Variants in PPP2R2B observed in about 807,000 individuals in gnomAD.
PPP2R2B encodes protein phosphatase 2 regulatory subunit Bbeta.
In PPP2R2B, 5 loss-of-function variants were observed where a neutral mutation model predicts 46.0. The observed-to-expected ratio is 0.11, with a 90% CI of 0.06 to 0.23. The LOEUF is 0.23. Ranked by LOEUF, PPP2R2B falls within the 10% of genes least tolerant of loss-of-function variation. The pLI, the probability that PPP2R2B is intolerant of heterozygous loss-of-function variation, is 1.00. For missense variants in PPP2R2B, 367 were observed against 575.0 expected, an observed-to-expected ratio of 0.64 and a Z score of 3.70; for synonymous variants, 215 against 206.7, an observed-to-expected ratio of 1.04 and a Z score of -0.34.
intron 1 of PPP2R2B, among the ~76,000 whole-genome samples, chr5:147,003,810 G>A (rs901002393): frequency 1.3e-5 from 2 of 152,118 alleles, no homozygotes; most frequent in African/African-American, 4.8e-5. Flanking sequence ...TCAGGGAAAG[G>A]AAGAAAATCC....
chr5:146,657,368 A>T (rs1474778605), intron 5 of PPP2R2B, among the ~76,000 whole-genome samples: 3 of 152,226 alleles, frequency 2.0e-5, no homozygotes, highest in Non-Finnish European at 2.9e-5. Flanking sequence ...AGAACAGAAA[A>T]GATGAAGTCA....
intron 2 of PPP2R2B, among the ~76,000 whole-genome samples, chr5:146,830,731 C>T (rs1027638423): frequency 2.0e-5 from 3 of 152,148 alleles, no homozygotes; most frequent in African/African-American, 7.2e-5. Context: ...CTTGGCCTCC[C>T]AAAGTGCTAG....
At chr5:147,004,630 G>A (rs1012243807) in intron 1 of PPP2R2B, among the ~76,000 whole-genome samples, 1 of 152,114 alleles carries the variant, frequency 6.6e-6, no homozygotes, top group African/African-American at 2.4e-5. Context: ...GGATATATTA[G>A]CCAAAGCTGG....
At position 146,597,618 on chromosome 5, in the gene PPP2R2B, G is replaced by GAAAC. The variant is rs948642208; in HGVS notation, c.960+2669_960+2672dup. Among the ~76,000 whole-genome samples, 65 of 152,220 alleles carry GAAAC rather than the reference G, an allele frequency of 4.3e-4. 1 individual carries two copies. The highest frequency in any genetic ancestry group is 1.2e-3 in the African/African-American group (51 of 41,548). ...CCAAGCAGGTGAATGTGGCTGGGAAGAAACATAAAATCATACAGGTTAATT... is the reference window on the plus strand; with the variant it reads ...CCAAGCAGGTGAATGTGGCTGGGAAGAAACAAACATAAAATCATACAGGTTAATT... On this transcript the variant is annotated intron_variant, in intron 8 of 9. Transcript: ENST00000394411.
chr5:146,632,207 A>C (rs1774486686), intron 7 of PPP2R2B, among the ~76,000 whole-genome samples: 1 of 152,262 alleles, frequency 6.6e-6, no homozygotes, highest in South Asian at 2.1e-4. Context: ...TGTCCTCATA[A>C]GAAGAGGAAT....
chr5:146,744,555 T>C (rs1427371091), intron 2 of PPP2R2B, among the ~76,000 whole-genome samples: 1 of 152,196 alleles, frequency 6.6e-6, no homozygotes, highest in Non-Finnish European at 1.5e-5. Context: ...ATTCCACTCC[T>C]ACCCTCACAT....
chr5:146,901,275 G>A (rs1311783165), intron 1 of PPP2R2B, among the ~76,000 whole-genome samples: 1 of 152,094 alleles, frequency 6.6e-6, no homozygotes, highest in Non-Finnish European at 1.5e-5. Context: ...TGATGTGGGA[G>A]GATCCCTTGA....
At chr5:146,740,706 C>T (rs1752822030) in intron 2 of PPP2R2B, among the ~76,000 whole-genome samples, 3 of 151,908 alleles carry the variant, frequency 2.0e-5, no homozygotes, top group Admixed American at 2.0e-4. Context: ...TTTACTCACA[C>T]TGTCTGATTA....
intron 5 of PPP2R2B, among the ~76,000 whole-genome samples, chr5:146,660,258 T>G (rs1399887419): frequency 1.3e-5 from 2 of 152,202 alleles, no homozygotes; most frequent in African/African-American, 4.8e-5. Flanking sequence ...ACTAACAAAT[T>G]AAATTACTTT....
At chr5:146,751,522 G>T (rs930219072) in intron 2 of PPP2R2B, 1 of 152,228 alleles carries the variant, frequency 6.6e-6, no homozygotes, top group East Asian at 1.9e-4. Flanking sequence ...ATGACTCAAG[G>T]CCTTTGCATT....
intron 1 of PPP2R2B, among the ~76,000 whole-genome samples, chr5:146,934,016 G>T (rs367550088): frequency 6.6e-6 from 1 of 151,950 alleles, no homozygotes; most frequent in South Asian, 2.1e-4. Flanking sequence ...TGAACTCATC[G>T]TTTTTTATGG....
chr5:147,007,922 G>A (rs114446612), intron 1 of PPP2R2B, among the ~76,000 whole-genome samples: 3,226 of 152,260 alleles, frequency 0.021, 139 homozygotes, highest in African/African-American at 0.072. Flanking sequence ...TTGAAGTCAG[G>A]GAGACCAAGA....
At chr5:146,966,220 A>C (rs930066301) in intron 1 of PPP2R2B, among the ~76,000 whole-genome samples, 3 of 152,156 alleles carry the variant, frequency 2.0e-5, no homozygotes, top group Non-Finnish European at 4.4e-5. Flanking sequence ...GTCATTGTTT[A>C]TTATTGAACA....
chr5:146,960,833 C>T (rs1227436886), intron 1 of PPP2R2B, among the ~76,000 whole-genome samples: 1 of 152,134 alleles, frequency 6.6e-6, no homozygotes, highest in Non-Finnish European at 1.5e-5. Context: ...AAACTGCAAG[C>T]CCTTTTTCGT....
intron 2 of PPP2R2B, among the ~76,000 whole-genome samples, chr5:146,743,682 C>T (rs1250533540): frequency 6.6e-6 from 1 of 152,114 alleles, no homozygotes; most frequent in Admixed American, 6.6e-5. Flanking sequence ...CATTTCCCTT[C>T]CTGTCAAGTT....
chr5:146,759,425 A>T (rs994721959), intron 2 of PPP2R2B, among the ~76,000 whole-genome samples: 3 of 152,246 alleles, frequency 2.0e-5, no homozygotes, highest in Non-Finnish European at 4.4e-5. Flanking sequence ...TCCATCGCAG[A>T]AAACTAAAAC....
chr5:146,623,794 G>A (rs537713830), intron 7 of PPP2R2B, among the ~76,000 whole-genome samples: 1 of 152,270 alleles, frequency 6.6e-6, no homozygotes, highest in East Asian at 1.9e-4. Context: ...GATAATGATG[G>A]AAGGCCAGCA....
intron 2 of PPP2R2B, among the ~76,000 whole-genome samples, chr5:146,790,159 C>A (rs1478343510): frequency 6.6e-6 from 1 of 152,154 alleles, no homozygotes; most frequent in Non-Finnish European, 1.5e-5. Flanking sequence ...TATCCAGCCC[C>A]AGATGCAAAT....
At chr5:146,930,612 A>G (rs538873535) in intron 1 of PPP2R2B, among the ~76,000 whole-genome samples, 19 of 152,190 alleles carry the variant, frequency 1.2e-4, no homozygotes, top group African/African-American at 4.6e-4. Context: ...TTTTCTCTCC[A>G]CCATTCACAA....
Sources: allele counts gnomAD v4.1 joint callset (sites outside exome capture counted in the v4.1 genomes callset), GRCh38; gene constraint gnomAD v4.1.1; transcripts MANE v1.5; gene names NCBI Gene and HGNC (gene_info 2026-07-23, HGNC 2026-07-21).